NTM: variants seen among roughly 807,000 people sequenced by gnomAD.
The protein encoded by NTM is IgLON family member 2.
Under a neutral mutation model 42.1 loss-of-function variants are expected in NTM, and 13 were observed. The observed-to-expected ratio is 0.31, with a 90% CI of 0.20 to 0.49. The LOEUF (loss-of-function observed/expected upper bound fraction) is 0.49, where lower values mean the gene tolerates loss of function less well. Ranked by LOEUF, NTM falls within the 20% of genes least tolerant of loss-of-function variation. NTM has a pLI of 0.99. For missense variants in NTM, 373 were observed against 452.8 expected (o/e 0.82, Z 1.60); for synonymous variants, 187 against 179.2 (o/e 1.04, Z -0.35).
chr11:132,113,684 A>C (rs2063520725), intron 2 of NTM, among the ~76,000 whole-genome samples: 2 of 152,192 alleles, frequency 1.3e-5, no homozygotes, highest in Non-Finnish European at 2.9e-5. Flanking sequence ...TTGTCAATGA[A>C]GCCAATTGGA....
chr11:131,692,892 G>A lies in NTM; in HGVS notation c.83-218672G>A, dbSNP rs115658022. ...GGGGTGAATGTCACTGAGCATTCAG[G>A]GTTAGTGTCAGATGCTTCAGCCAAG... is the stretch of plus-strand genomic sequence containing the variant. On this transcript the variant is annotated intron_variant, in intron 1 of 8. Transcript: ENST00000683400. Among the ~76,000 whole-genome samples, 1,015 of 152,304 alleles carry A rather than the reference G, an allele frequency of 6.7e-3. 9 individuals carry two copies. The highest frequency in any genetic ancestry group is 0.022 in the African/African-American group (916 of 41,564).
chr11:132,213,781 C>T lies in NTM; in HGVS notation c.526+1634C>T, dbSNP rs1445283206. Among the ~76,000 whole-genome samples, 9 of 52,634 alleles carry T rather than the reference C, an allele frequency of 1.7e-4. 3 individuals are homozygous for T. Among genetic ancestry groups the T allele is most frequent in the Non-Finnish European group, 4.2e-4 (9 of 21,436 alleles). The allele number at this position is 52,634 out of a possible 152,430, so 34.5% of individuals were successfully genotyped here. A position where few individuals can be genotyped will look rare whatever the true frequency, so the allele number is the denominator to read the frequency against. On this transcript the variant is annotated intron_variant, in intron 4 of 8. Transcript: ENST00000683400. ...ACGGAGTCTCGCTCTGTCGCCCAGG[C>T]TGGAGTGCAGTGGCGGGATCTCGGC...
chr11:131,511,588 C>T (rs1042199300), intron 1 of NTM, among the ~76,000 whole-genome samples: 1 of 152,188 alleles, frequency 6.6e-6, no homozygotes, highest in Non-Finnish European at 1.5e-5. Flanking sequence ...AAAACAGAAA[C>T]CCCGAGGTTA....
At chr11:131,428,057 C>T (rs1379495867) in intron 1 of NTM, among the ~76,000 whole-genome samples, 1 of 152,196 alleles carries the variant, frequency 6.6e-6, no homozygotes, top group African/African-American at 2.4e-5. Flanking sequence ...AGATCTCTCC[C>T]CTGGGATCGA....
chr11:132,318,894 CATGACAG>C, intron 7 of NTM, among the ~76,000 whole-genome samples: 1 of 152,058 alleles, frequency 6.6e-6, no homozygotes, highest in Middle Eastern at 3.4e-3. Flanking sequence ...TGGGAAGGTG[CATGACAG>C]ATGAAAAAAA....
rs550506237 is a variant in NTM at position 132,314,879 on chromosome 11, C to G, written c.934+176C>G. ...AAATGGAGAGAGAGGGACAGAGAGA[C>G]AGGGAGGAGGCAGACAGAAAGAGAA... On this transcript the variant is annotated intron_variant, in intron 7 of 8. Transcript: ENST00000683400. 2.9e-6 allele frequency: 4 copies of G among 1,361,114 alleles called. No homozygotes were observed. The South Asian group carries it at 6.3e-5, about 21-fold the overall frequency. The allele number at this position is 1,361,114 out of a possible 1,614,324, so 84.3% of individuals were successfully genotyped here.
At chr11:131,670,116 T>C (rs904537479) in intron 1 of NTM, among the ~76,000 whole-genome samples, 1 of 152,186 alleles carries the variant, frequency 6.6e-6, no homozygotes, top group Non-Finnish European at 1.5e-5. Flanking sequence ...ACTCCTCATT[T>C]GTAGGCTATT....
chr11:131,387,435 C>T (rs189099120), intron 1 of NTM, among the ~76,000 whole-genome samples: 51 of 152,284 alleles, frequency 3.3e-4, no homozygotes, highest in African/African-American at 1.1e-3. Flanking sequence ...TGCTCTCTAA[C>T]GGGAATGTTC....
chr11:132,195,490 T>C (rs1411671361), intron 3 of NTM, among the ~76,000 whole-genome samples: 1 of 147,796 alleles, frequency 6.8e-6, no homozygotes, highest in Non-Finnish European at 1.5e-5. Context: ...AAAGACCCCA[T>C]ATAGCCAAAG....
chr11:131,424,201 C>T (rs1281999544), intron 1 of NTM, among the ~76,000 whole-genome samples: 1 of 152,090 alleles, frequency 6.6e-6, no homozygotes, highest in Non-Finnish European at 1.5e-5. Flanking sequence ...AATTTCTGCT[C>T]TCTCACTTAT....
intron 2 of NTM, among the ~76,000 whole-genome samples, chr11:132,032,576 T>A: frequency 6.6e-6 from 1 of 152,338 alleles, no homozygotes; most frequent in Middle Eastern, 3.4e-3. Context: ...GCTCTTCCTC[T>A]GTGTCTTAGT....
At chr11:132,006,423 C>T (rs559810289) in intron 2 of NTM, among the ~76,000 whole-genome samples, 2 of 152,226 alleles carry the variant, frequency 1.3e-5, no homozygotes, top group African/African-American at 2.4e-5. Context: ...AAATAATAAC[C>T]CAACAATGAG....
chr11:132,129,093 G>A (rs970836931), intron 2 of NTM, among the ~76,000 whole-genome samples: 19 of 152,118 alleles, frequency 1.2e-4, no homozygotes, highest in Non-Finnish European at 1.6e-4. Context: ...CTGGAAAAGT[G>A]TAGTTTGCAA....
At chr11:132,162,446 T>C (rs774529184) in intron 3 of NTM, among the ~76,000 whole-genome samples, 2 of 145,298 alleles carry the variant, frequency 1.4e-5, no homozygotes, top group Admixed American at 6.9e-5. Context: ...GTGTAGAGCA[T>C]GTGTGTGAGT....
At chr11:131,788,231 TTATC>T (rs1447416897) in intron 1 of NTM, among the ~76,000 whole-genome samples, 2 of 152,130 alleles carry the variant, frequency 1.3e-5, no homozygotes, top group African/African-American at 4.8e-5. Context: ...ATTCTTCAAT[TTATC>T]TATCTTCTTA....
chr11:131,789,760 TCCTGGCTAACAC>T (rs2090591814), intron 1 of NTM, among the ~76,000 whole-genome samples: 1 of 149,882 alleles, frequency 6.7e-6, no homozygotes, highest in Non-Finnish European at 1.5e-5. Flanking sequence ...ATCAAGACCA[TCCTGGCTAACAC>T]GGTGAAACCC....
chr11:132,213,749 T>TG (rs2083305289), intron 4 of NTM, among the ~76,000 whole-genome samples: 3 of 59,062 alleles, frequency 5.1e-5, no homozygotes, highest in African/African-American at 1.0e-4. Context: ...TTTTTTTTTT[T>TG]TTTGAGACGG....
chr11:132,158,546 G>C (rs995468885), intron 3 of NTM, among the ~76,000 whole-genome samples: 2 of 152,216 alleles, frequency 1.3e-5, no homozygotes, highest in African/African-American at 2.4e-5. Context: ...TGATGGTGGG[G>C]CTTGATCTGG....
In NTM at chr11:131,424,578, T is replaced by G. The variant is rs181078333; in HGVS notation, c.82+53690T>G. Among the ~76,000 whole-genome samples the G allele has an allele frequency of 4.6e-3, 679 of 148,226 alleles. 3 individuals carry two copies. Among genetic ancestry groups the G allele is most frequent in the Non-Finnish European group, 5.1e-3 (346 of 67,390 alleles). On this transcript the variant is annotated intron_variant, in intron 1 of 8. Coordinates refer to ENST00000683400, the MANE Select transcript of NTM (RefSeq NM_001352005.2). ...ACCGTCTAGTTTGCAATTGCTTAGT[T>G]GTTTTTTATTTCTTTTCTTTTCTTT...
Sources: gnomAD v4.1 joint callset for allele counts (sites outside exome capture counted in the v4.1 genomes callset) on GRCh38, gnomAD v4.1.1 for gene constraint, MANE v1.5 for transcripts, NCBI Gene and HGNC (gene_info 2026-07-23, HGNC 2026-07-21) for gene names.